The following WDR35 variants were observed in gnomAD, a reference collection of about 807,000 sequenced individuals.
WDR35 encodes WD repeat-containing protein 35.
WDR35 carries 118 observed loss-of-function variants against 158.3 expected under a neutral mutation model. The observed-to-expected ratio is 0.75, with a 90% CI of 0.64 to 0.87. WDR35 has a LOEUF of 0.87. Ranked by LOEUF, WDR35 falls within the 40% of genes least tolerant of loss-of-function variation. The pLI is 0.00. For synonymous variants in WDR35, 448 were observed against 476.1 expected, an observed-to-expected ratio of 0.94 and a Z score of 0.77; for missense variants, 1,263 against 1,405.8, an observed-to-expected ratio of 0.90 and a Z score of 1.62.
chr2:19,945,708 G>A, intron 16 of WDR35, 78 bp downstream of exon 16: 2 of 1,541,272 alleles, frequency 1.3e-6, no homozygotes, highest in South Asian at 2.3e-5. Context: ...ACTTCTTAAA[G>A]AAACAAAGGG....
At position 19,969,556 on chromosome 2, in the gene WDR35, C is replaced by A. The variant is rs200649783; in HGVS notation, c.932G>T (p.Trp311Leu). 53 of 1,613,732 alleles carry A rather than the reference C, an allele frequency of 3.3e-5. No individual in the cohort carries two copies. Among genetic ancestry groups the A allele is most frequent in the Non-Finnish European group, 4.2e-5 (50 of 1,179,920 alleles). The change falls in exon 9 of 27, where the codon TGG (tryptophan) becomes TTG (leucine). Residue 311 changes from tryptophan (W) to leucine (L), a missense_variant. Transcript: ENST00000281405. The part of the protein sequence containing the change: ...VPGKEISALS[W>L]EGGGLKIALA... ...TGCAATTTTCAGTCCACCTCCTTCC[C>A]AAGATAGTGCAGATATTTCCTTTCC...
rs536094192 is a variant in WDR35, at chr2:19,960,681, T to C, written c.1195-67A>G. On this transcript the variant is annotated intron_variant, in intron 10 of 26. Transcript: ENST00000281405. ...TGAATAATAAAGGAAATATGCTTAATATATATCATGCTTATCTCTTTTTCA... is the reference window on the plus strand; with the variant it reads ...TGAATAATAAAGGAAATATGCTTAACATATATCATGCTTATCTCTTTTTCA... 176 of 1,192,798 alleles carry C rather than the reference T, an allele frequency of 1.5e-4. 2 individuals are homozygous for C. In the South Asian group the frequency reaches 2.1e-3, roughly 14 times the overall value. 73.9% of individuals were successfully genotyped at this position (1,192,798 alleles called of 1,614,324 possible).
At chr2:19,982,871 G>T (rs1371806831) in intron 2 of WDR35, among the ~76,000 whole-genome samples, 2 of 152,126 alleles carry the variant, frequency 1.3e-5, no homozygotes, top group African/African-American at 4.8e-5. Flanking sequence ...GATCAAAAGA[G>T]CATAGACTTT....
intron 25 of WDR35, among the ~76,000 whole-genome samples, chr2:19,929,796 T>C (rs1373003277): frequency 6.6e-6 from 1 of 152,148 alleles, no homozygotes; most frequent in Non-Finnish European, 1.5e-5. Flanking sequence ...AATGATTACC[T>C]CTGAGTTATA....
At chr2:19,947,761 A>G (rs1388349917) in intron 14 of WDR35, among the ~76,000 whole-genome samples, 1 of 152,052 alleles carries the variant, frequency 6.6e-6, no homozygotes, top group African/African-American at 2.4e-5. Context: ...GCAATCTTCC[A>G]CAGGGCTCAT....
chr2:19,956,836 G>A (rs1366368032), intron 11 of WDR35, among the ~76,000 whole-genome samples: 1 of 151,994 alleles, frequency 6.6e-6, no homozygotes, highest in African/African-American at 2.4e-5. Flanking sequence ...AGCCAGGATG[G>A]TCTCGATCTC....
At chr2:19,940,436 T>A (rs1670836258) in intron 17 of WDR35, among the ~76,000 whole-genome samples, 1 of 152,166 alleles carries the variant, frequency 6.6e-6, no homozygotes, top group Non-Finnish European at 1.5e-5. Context: ...GGTACTGTAT[T>A]CAAGTTAAAC....
intron 14 of WDR35, 93 bp downstream of exon 14, chr2:19,948,071 G>A: frequency 9.9e-7 from 1 of 1,007,482 alleles, no homozygotes; most frequent in Non-Finnish European, 1.5e-6. Flanking sequence ...CCAAGTAACT[G>A]TGATTACAGA....
At chr2:19,952,874 C>T (rs777770071) in intron 12 of WDR35, among the ~76,000 whole-genome samples, 5 of 150,160 alleles carry the variant, frequency 3.3e-5, no homozygotes, top group Non-Finnish European at 5.9e-5. Context: ...CTGCAAGCTC[C>T]GCCTCCCGGG....
chr2:19,959,284 AACCCTATC>A (rs1671553793), intron 11 of WDR35, among the ~76,000 whole-genome samples: 1 of 152,134 alleles, frequency 6.6e-6, no homozygotes, highest in Non-Finnish European at 1.5e-5. Context: ...CTTTGACATT[AACCCTATC>A]ACCATTATGA....
intron 13 of WDR35, 75 bp from the exon 14 acceptor site, chr2:19,948,292 A>C: frequency 7.5e-7 from 1 of 1,329,572 alleles, no homozygotes; most frequent in South Asian, 1.3e-5. Flanking sequence ...CGTAGTATGC[A>C]ATTCACTAAG....
Position 19,938,443 on chromosome 2 carries a change from G to A in WDR35, c.1927-42C>T, listed in dbSNP as rs184877594. On this transcript the variant is annotated intron_variant, in intron 17 of 26. Coordinates refer to ENST00000281405, the MANE Select transcript of WDR35 (RefSeq NM_020779.4). Reference sequence around the variant, plus strand: ...AAACAAAAAAATTCAAATATTTGCCGTTAGAGTATGTGTTTCTTTTTTATA... The same window carrying A: ...AAACAAAAAAATTCAAATATTTGCCATTAGAGTATGTGTTTCTTTTTTATA... 195 of 1,596,704 alleles carry A rather than the reference G, an allele frequency of 1.2e-4. No homozygotes were observed. The African/African-American group carries it at 1.7e-3, about 14-fold the overall frequency.
In WDR35 at chr2:19,936,280, C is replaced by A; in HGVS notation, c.2353G>T (p.Asp785Tyr). ...TTGTTGGCTTGTTCCAGGAGACTGTCATCTGCATCACCAGATCCAGTTTTC... is the reference window on the plus strand; with the variant it reads ...TTGTTGGCTTGTTCCAGGAGACTGTAATCTGCATCACCAGATCCAGTTTTC... ...LLKTGSGDADDSLLEQANNAI... is the reference protein window; with the variant it reads ...LLKTGSGDADYSLLEQANNAI... The change falls in exon 20 of 27, where the codon GAC becomes TAC. Residue 785 changes from aspartate (D) to tyrosine (Y), a missense_variant. Physicochemically the swap from Asp to Tyr is radical, Grantham distance 160 (BLOSUM62 -3). Coordinates refer to ENST00000281405, the MANE Select transcript of WDR35 (RefSeq NM_020779.4). 6.2e-7 allele frequency: 1 copy of A among 1,614,038 alleles called. No individual in the cohort carries two copies. Among genetic ancestry groups the A allele is most frequent in the African/African-American group, 1.3e-5 (1 of 75,054 alleles).
intron 11 of WDR35, among the ~76,000 whole-genome samples, chr2:19,957,252 C>CAT (rs1246356396): frequency 6.6e-6 from 1 of 152,060 alleles, no homozygotes; most frequent in Non-Finnish European, 1.5e-5. Context: ...ATAATAAAAC[C>CAT]ATATATAAAT....
chr2:19,965,528 C>T (rs1305638913), intron 10 of WDR35, among the ~76,000 whole-genome samples: 1 of 152,184 alleles, frequency 6.6e-6, no homozygotes, highest in African/African-American at 2.4e-5. Flanking sequence ...CAAACTCCCA[C>T]CTCAAAGCTC....
rs1044853314 is a variant in WDR35 at position 19,963,961 on chromosome 2, C to T, written c.1194+2763G>A. On this transcript the variant is annotated intron_variant, in intron 10 of 26. Transcript: ENST00000281405. ...GTTTTGCCATGTTGGCCAGGCTGGT[C>T]CCAAACTCCTAACCTCAGGTGATCT... Among the ~76,000 whole-genome samples the T allele has an allele frequency of 3.2e-4, 49 of 152,186 alleles. 1 individual carries two copies. Among genetic ancestry groups the T allele is most frequent in the Admixed American group, 1.1e-3 (17 of 15,290 alleles).
At chr2:19,961,715 A>G (rs1392324241) in intron 10 of WDR35, among the ~76,000 whole-genome samples, 3 of 152,186 alleles carry the variant, frequency 2.0e-5, no homozygotes, top group Admixed American at 6.5e-5. Context: ...TGCTCAAGGC[A>G]TTTTGCTTGT....
chr2:19,929,102 C>T (rs1349910993), intron 25 of WDR35, among the ~76,000 whole-genome samples: 5 of 152,116 alleles, frequency 3.3e-5, no homozygotes, highest in African/African-American at 4.8e-5. Context: ...CCACTGCACC[C>T]GGCTGAGGAA....
chr2:19,981,577 G>A (rs1672383612), intron 3 of WDR35, among the ~76,000 whole-genome samples: 2 of 152,124 alleles, frequency 1.3e-5, no homozygotes, highest in Admixed American at 6.6e-5. Context: ...GAATGCAGTG[G>A]CACAATCATG....
Sources: gnomAD v4.1 joint callset for allele counts (sites outside exome capture counted in the v4.1 genomes callset) on GRCh38, gnomAD v4.1.1 for gene constraint, MANE v1.5 for transcripts, NCBI Gene and HGNC (gene_info 2026-07-23, HGNC 2026-07-21) for gene names.